The following GMDS variants were observed in gnomAD, a reference collection of about 807,000 sequenced individuals.
GMDS encodes GDP-mannose 4,6 dehydratase.
A neutral mutation model predicts 49.9 loss-of-function variants in GMDS; 20 were observed. The observed-to-expected ratio is 0.40, with a 90% CI of 0.28 to 0.58. The LOEUF (loss-of-function observed/expected upper bound fraction) is 0.58. Among genes scored for constraint, GMDS ranks in the 20% least tolerant of loss-of-function variants. The probability of loss-of-function intolerance (pLI) is 0.42; values close to 1 mark genes in which losing one functional copy is unlikely to be tolerated. For missense variants in GMDS, 362 were observed against 481.4 expected (o/e 0.75, Z 2.32); for synonymous variants, 177 against 178.6 (o/e 0.99, Z 0.07).
At chr6:2,013,943 T>TAC (rs1767729480) in intron 4 of GMDS, among the ~76,000 whole-genome samples, 1 of 17,902 alleles carries the variant, frequency 5.6e-5, no homozygotes. Flanking sequence ...TATATATATA[T>TAC]ATATATATAT....
In GMDS at chr6:1,640,666, C is replaced by G. The variant is rs1489747247; in HGVS notation, c.988-16126G>C. Among the ~76,000 whole-genome samples, 3 of 152,310 alleles carry G rather than the reference C, an allele frequency of 2.0e-5. No homozygotes were observed. The highest frequency in any genetic ancestry group is 1.3e-4 in the Admixed American group (2 of 15,298). On this transcript the variant is annotated intron_variant, in intron 9 of 10. Transcript: ENST00000380815. This position sits in a 1 kb window ranked among gnomAD's most constrained non-coding sequence, Gnocchi z 4.0. Reference sequence around the variant, plus strand: ...AGCACATGGAATGTGCCCTTGCATCCCCACAGCGCAGGCCCAGGGCTGCCG... The same window carrying G: ...AGCACATGGAATGTGCCCTTGCATCGCCACAGCGCAGGCCCAGGGCTGCCG...
intron 9 of GMDS, among the ~76,000 whole-genome samples, chr6:1,662,522 G>A (rs1356893446): frequency 2.6e-5 from 4 of 152,152 alleles, no homozygotes; most frequent in African/African-American, 9.7e-5. Context: ...ACACAAAGAA[G>A]TACAGTTGAT....
At chr6:1,864,010 C>A (rs3800107) in intron 7 of GMDS, among the ~76,000 whole-genome samples, 72,102 of 152,074 alleles carry the variant, frequency 0.47, 20,402 homozygotes, top group Non-Finnish European at 0.63. Flanking sequence ...CAATTAATTT[C>A]TCTAAGAGGG....
chr6:1,929,445 A>G (rs1342254500), intron 7 of GMDS, among the ~76,000 whole-genome samples: 1 of 152,252 alleles, frequency 6.6e-6, no homozygotes, highest in Non-Finnish European at 1.5e-5. Context: ...GAAAAATCAT[A>G]CTACTTGCGT....
intron 7 of GMDS, among the ~76,000 whole-genome samples, chr6:1,819,264 C>T (rs1451868038): frequency 1.3e-5 from 2 of 152,128 alleles, no homozygotes; most frequent in Non-Finnish European, 2.9e-5. Context: ...TTTACATACT[C>T]AGAGAAATAA....
chr6:1,720,244 G>A (rs1032524648), intron 9 of GMDS, among the ~76,000 whole-genome samples: 5 of 152,122 alleles, frequency 3.3e-5, no homozygotes, highest in Admixed American at 2.6e-4. Context: ...GAGAGCAACC[G>A]AGGAAAGAAC....
intron 4 of GMDS, among the ~76,000 whole-genome samples, chr6:1,986,048 C>T (rs1391258203): frequency 6.6e-6 from 1 of 152,158 alleles, no homozygotes; most frequent in African/African-American, 2.4e-5. Flanking sequence ...AAATGGATGA[C>T]CTAGAAAACT....
At chr6:1,845,689 C>G (rs774366848) in intron 7 of GMDS, among the ~76,000 whole-genome samples, 7 of 152,124 alleles carry the variant, frequency 4.6e-5, no homozygotes, top group Non-Finnish European at 1.0e-4. Flanking sequence ...TGAAACTGTT[C>G]CACCTCAGAT....
At chr6:2,019,845 T>C (rs1444274401) in intron 4 of GMDS, among the ~76,000 whole-genome samples, 1 of 152,202 alleles carries the variant, frequency 6.6e-6, no homozygotes, top group Non-Finnish European at 1.5e-5. Context: ...AAGACCATTA[T>C]GTGGTGTTTG....
chr6:2,156,915 C>T (rs539550817), intron 1 of GMDS, among the ~76,000 whole-genome samples: 8 of 152,272 alleles, frequency 5.3e-5, no homozygotes, highest in Admixed American at 2.0e-4. Context: ...TTTCTCTGTA[C>T]ATATTGCTAA....
At chr6:1,861,146 T>C (rs1758163716) in intron 7 of GMDS, among the ~76,000 whole-genome samples, 1 of 152,166 alleles carries the variant, frequency 6.6e-6, no homozygotes, top group Non-Finnish European at 1.5e-5. Flanking sequence ...AGGAGAGTTT[T>C]AGAAATCACC....
At chr6:2,059,452 T>C (rs950706515) in intron 4 of GMDS, among the ~76,000 whole-genome samples, 2 of 151,298 alleles carry the variant, frequency 1.3e-5, no homozygotes, top group Non-Finnish European at 2.9e-5. Context: ...CTCACGCCTG[T>C]AATCCCAGCA....
Position 2,245,576 on chromosome 6 carries a change from A to G in GMDS, c.-154T>C. 1 of 411,494 alleles carries G rather than the reference A, an allele frequency of 2.4e-6. No homozygotes were observed. Among genetic ancestry groups the G allele is most frequent in the Non-Finnish European group, 4.2e-6 (1 of 238,572 alleles). 25.5% of individuals were successfully genotyped at this position (411,494 alleles called of 1,614,324 possible). On this transcript the variant is annotated 5_prime_UTR_variant, in exon 1 of 11. Transcript: ENST00000380815. ...CCGCGCGACCGGCCGCCACAGTCTG[A>G]CAGGGGCGCACGGGAGGCCGTGCAG...
At chr6:2,081,677 T>C (rs1581624934) in intron 4 of GMDS, among the ~76,000 whole-genome samples, 1 of 152,182 alleles carries the variant, frequency 6.6e-6, no homozygotes, top group East Asian at 1.9e-4. Context: ...TACCACAGTG[T>C]ACCGATTTGC....
Position 2,245,594 on chromosome 6 carries a change from C to A in GMDS, c.-172G>T. 1 of 388,970 alleles carries A rather than the reference C, an allele frequency of 2.6e-6. No homozygotes were observed. Among genetic ancestry groups the A allele is most frequent in the South Asian group, 8.0e-5 (1 of 12,540 alleles). The allele number at this position is 388,970 out of a possible 1,614,324, so 24.1% of individuals were successfully genotyped here. A position where few individuals can be genotyped will look rare whatever the true frequency, so the allele number is the denominator to read the frequency against. On this transcript the variant is annotated 5_prime_UTR_variant, in exon 1 of 11. Transcript: ENST00000380815. Reference sequence around the variant, plus strand: ...CAGTCTGACAGGGGCGCACGGGAGGCCGTGCAGGGAGGGCCGGGGGCGGGC... The same window carrying A: ...CAGTCTGACAGGGGCGCACGGGAGGACGTGCAGGGAGGGCCGGGGGCGGGC...
At chr6:1,706,224 G>A (rs138932086) in intron 9 of GMDS, among the ~76,000 whole-genome samples, 1 of 152,312 alleles carries the variant, frequency 6.6e-6, no homozygotes, top group African/African-American at 2.4e-5. Flanking sequence ...GCGGTGTGCT[G>A]GCACCATCGC....
intron 9 of GMDS, among the ~76,000 whole-genome samples, chr6:1,725,247 A>G (rs1766536516): frequency 6.6e-6 from 1 of 152,216 alleles, no homozygotes; most frequent in Non-Finnish European, 1.5e-5. Context: ...CTTTGCTTCC[A>G]TAGTGAGGAT....
chr6:1,789,136 G>C (rs1561805930), intron 7 of GMDS, among the ~76,000 whole-genome samples: 1 of 152,242 alleles, frequency 6.6e-6, no homozygotes, highest in Non-Finnish European at 1.5e-5. Flanking sequence ...GGGACAGCAG[G>C]GGACGGTCTG....
intron 7 of GMDS, among the ~76,000 whole-genome samples, chr6:1,779,519 C>T (rs1431759273): frequency 2.6e-5 from 4 of 152,104 alleles, no homozygotes; most frequent in Non-Finnish European, 4.4e-5. Flanking sequence ...ATAGAGTCTG[C>T]GATTTTCCAG....
Sources: allele counts gnomAD v4.1 joint callset (sites outside exome capture counted in the v4.1 genomes callset), GRCh38; gene constraint gnomAD v4.1.1; non-coding constraint Gnocchi (gnomAD v3.1); transcripts MANE v1.5; gene names NCBI Gene and HGNC (gene_info 2026-07-23, HGNC 2026-07-21).